Variants in PCDHAC1 observed in about 807,000 individuals in gnomAD.
PCDHAC1 encodes protocadherin alpha subfamily C, 1, also known as protocadherin alpha-C1.
Under a neutral mutation model 60.0 loss-of-function variants are expected in PCDHAC1, and 42 were observed. The ratio of observed to expected loss-of-function variants is 0.70; its 90% CI spans 0.55 to 0.90. The LOEUF (loss-of-function observed/expected upper bound fraction) is 0.90. Ranked by LOEUF, PCDHAC1 falls within the 40% of genes least tolerant of loss-of-function variation. The pLI is 0.00. For synonymous variants in PCDHAC1, 468 were observed against 499.3 expected (o/e 0.94, Z 0.84); for missense variants, 1,160 against 1,222.3 (o/e 0.95, Z 0.76).
intron 1 of PCDHAC1, among the ~76,000 whole-genome samples, chr5:140,950,272 C>G (rs928839890): frequency 2.0e-5 from 3 of 151,950 alleles, no homozygotes; most frequent in Non-Finnish European, 4.4e-5. Flanking sequence ...TCCATAATGT[C>G]TTTTTGCTTC....
rs149795080 is a variant in PCDHAC1 at position 140,995,000 on chromosome 5, T to C, written c.2581+12437T>C. Among the ~76,000 whole-genome samples the C allele has an allele frequency of 1.7e-3, 261 of 152,326 alleles. 1 individual carries two copies. The highest frequency in any genetic ancestry group is 6.1e-3 in the African/African-American group (253 of 41,578). ...GAGACCCACTAGAAGGTTAGTTGGTTTGTTTATATTTAGGAAAGAAGATTC... is the reference window on the plus strand; with the variant it reads ...GAGACCCACTAGAAGGTTAGTTGGTCTGTTTATATTTAGGAAAGAAGATTC... On this transcript the variant is annotated intron_variant, in intron 3 of 3. Transcript: ENST00000253807.
chr5:141,000,387 C>CTA (rs2097910380), intron 3 of PCDHAC1, among the ~76,000 whole-genome samples: 5 of 66,898 alleles, frequency 7.5e-5, no homozygotes, highest in Non-Finnish European at 1.1e-4. Context: ...CTCTCTCTCT[C>CTA]TCTCTCTCTA....
rs371960819 is a variant in PCDHAC1, at chr5:140,928,197, T to C, written c.1305T>C (p.Val435=). The C allele has an allele frequency of 1.9e-5, 30 of 1,614,192 alleles. 1 individual carries two copies. In the African/African-American group the frequency reaches 2.0e-4, roughly 11 times the overall value. Residue 435 remains valine (V), a synonymous_variant, in exon 1 of 4, where the codon GTT becomes GTC. Coordinates refer to ENST00000253807, the MANE Select transcript of PCDHAC1 (RefSeq NM_018898.5). Reference sequence around the variant, plus strand: ...CCCGAAGGACAATCACTGTGTCAGTTGCTGATGTGAATGACAATACACCAA... The same window carrying C: ...CCCGAAGGACAATCACTGTGTCAGTCGCTGATGTGAATGACAATACACCAA... The part of the protein sequence containing the change: ...LSTRRTITVS[V]ADVNDNTPNF...
Position 140,927,102 on chromosome 5 carries a change from A to G in PCDHAC1, c.210A>G (p.Leu70=), listed in dbSNP as rs144696843. 1.4e-5 allele frequency: 23 copies of G among 1,613,520 alleles called. No individual in the cohort carries two copies. In the African/African-American group the frequency reaches 1.7e-4, roughly 12 times the overall value. ...GCGAGCTCTACTTCGGGGTGGATCTACCCAGCGGCAATTTGGTGGTCAGAG... is the reference window on the plus strand; with the variant it reads ...GCGAGCTCTACTTCGGGGTGGATCTGCCCAGCGGCAATTTGGTGGTCAGAG... ...SHRELYFGVD[L]PSGNLVVREP... The change falls in exon 1 of 4, where the codon CTA becomes CTG. Residue 70 remains leucine (L), a synonymous_variant. Transcript: ENST00000253807.
rs368092094 is a variant in PCDHAC1, at chr5:140,927,090, C to T, written c.198C>T (p.Phe66=). 34 of 1,612,532 alleles carry T rather than the reference C, an allele frequency of 2.1e-5. No homozygotes were observed. Among genetic ancestry groups the T allele is most frequent in the Non-Finnish European group, 1.4e-5 (17 of 1,178,876 alleles). The change falls in exon 1 of 4, where the codon TTC becomes TTT. Residue 66 remains phenylalanine (F), a synonymous_variant. Coordinates refer to ENST00000253807, the MANE Select transcript of PCDHAC1 (RefSeq NM_018898.5). ...TTTCCAGCCACCGCGAGCTCTACTT[C>T]GGGGTGGATCTACCCAGCGGCAATT... ...RFLSSHRELY[F]GVDLPSGNLV...
chr5:140,999,363 A>G (rs772527438), intron 3 of PCDHAC1, among the ~76,000 whole-genome samples: 1 of 152,198 alleles, frequency 6.6e-6, no homozygotes, highest in Non-Finnish European at 1.5e-5. Flanking sequence ...AATGTTCACA[A>G]TCCCATTAGA....
intron 1 of PCDHAC1, among the ~76,000 whole-genome samples, chr5:140,963,141 A>T (rs2095739692): frequency 6.6e-6 from 1 of 152,148 alleles, no homozygotes; most frequent in Non-Finnish European, 1.5e-5. Flanking sequence ...AATTATTTGG[A>T]TGAATTTAAA....
At chr5:140,990,708 T>G (rs1201090744) in intron 3 of PCDHAC1, among the ~76,000 whole-genome samples, 3 of 152,190 alleles carry the variant, frequency 2.0e-5, no homozygotes, top group African/African-American at 7.2e-5. Context: ...TTTATGGGGA[T>G]AAGAGCATCA....
chr5:140,954,537 T>C (rs2095052425), intron 1 of PCDHAC1, among the ~76,000 whole-genome samples: 1 of 152,268 alleles, frequency 6.6e-6, no homozygotes, highest in Non-Finnish European at 1.5e-5. Flanking sequence ...TTGAGGTTTT[T>C]TTCATATGTT....
chr5:140,995,086 T>C (rs1182368049), intron 3 of PCDHAC1, among the ~76,000 whole-genome samples: 2 of 152,246 alleles, frequency 1.3e-5, no homozygotes, highest in African/African-American at 4.8e-5. Context: ...TCCAAACTTA[T>C]CTGTGGAGAT....
At chr5:141,007,227 A>G (rs1458505596) in intron 3 of PCDHAC1, among the ~76,000 whole-genome samples, 1 of 151,972 alleles carries the variant, frequency 6.6e-6, no homozygotes, top group Non-Finnish European at 1.5e-5. Flanking sequence ...CAAAATAAGA[A>G]GGATTGTTGA....
rs782025005 is a variant in PCDHAC1 at position 140,982,513 on chromosome 5, G to C, written c.2531G>C (p.Gly844Ala). 83 of 1,614,076 alleles carry C rather than the reference G, an allele frequency of 5.1e-5. No homozygotes were observed. The highest frequency in any genetic ancestry group is 6.4e-5 in the Non-Finnish European group (75 of 1,180,040). ...GAGGAGGCTGGCATTCTACGGGCTG[G>C]TCCAGGAGGGCCTGATCAGCAGTGG... The part of the protein sequence containing the change: ...HLEEAGILRA[G>A]PGGPDQQWPT... The change falls in exon 3 of 4, where the codon GGT becomes GCT. Residue 844 changes from glycine (G) to alanine (A), a missense_variant. Transcript: ENST00000253807.
chr5:140,967,024 T>G, intron 1 of PCDHAC1: 1 of 1,608,238 alleles, frequency 6.2e-7, no homozygotes, highest in Non-Finnish European at 8.5e-7. Flanking sequence ...GTGCGCCCAG[T>G]CCGCGCTACC....
chr5:140,957,076 A>C (rs1554222802), intron 1 of PCDHAC1, among the ~76,000 whole-genome samples: 1 of 152,174 alleles, frequency 6.6e-6, no homozygotes, highest in Non-Finnish European at 1.5e-5. Context: ...AGGGCTTTTT[A>C]TTAAGGAAAA....
Position 141,011,779 on chromosome 5 carries a change from A to G in PCDHAC1, c.*1842A>G, listed in dbSNP as rs1407523783. On this transcript the variant is annotated 3_prime_UTR_variant, in exon 4 of 4. Transcript: ENST00000253807. ...CTTTGAAGTTGCAGAATGCTTTGAAATTCTAATGGTATCTGAAATATCAGC... is the reference window on the plus strand; with the variant it reads ...CTTTGAAGTTGCAGAATGCTTTGAAGTTCTAATGGTATCTGAAATATCAGC... The G allele has an allele frequency of 6.5e-6, 1 of 153,778 alleles. No homozygotes were observed. Among genetic ancestry groups the G allele is most frequent in the East Asian group, 1.9e-4 (1 of 5,202 alleles). 9.5% of individuals were successfully genotyped at this position (153,778 alleles called of 1,614,324 possible).
In PCDHAC1 at chr5:141,009,718, A is replaced by G. The variant is rs2098413942; in HGVS notation, c.2673A>G (p.Gln891=). Residue 891 remains glutamine, a synonymous_variant, in exon 4 of 4, where the codon CAA becomes CAG. Transcript: ENST00000253807. ...TFKYGPGNPK[Q]SGPGELPDKF... ...AATACGGACCAGGCAACCCCAAACA[A>G]TCCGGTCCCGGTGAGTTGCCCGACA... The G allele has an allele frequency of 1.2e-6, 2 of 1,614,044 alleles. No homozygotes were observed. The highest frequency in any genetic ancestry group is 1.1e-5 in the South Asian group (1 of 91,052).
rs1554213921 is a variant in PCDHAC1 at position 140,941,202 on chromosome 5, C to CTTTCTTTCTTTCTTTCTTT, written c.2433+11877_2433+11878insTTTCTTTCTTTCTTTCTTT. ...TCCTGCTTCTTTTTTTTTCTTTCTT[C>CTTTCTTTCTTTCTTTCTTT]CTTTCTTTCTTCCTTTCTTTCTTTC... On this transcript the variant is annotated intron_variant, in intron 1 of 3. Coordinates refer to ENST00000253807, the MANE Select transcript of PCDHAC1 (RefSeq NM_018898.5). Among the ~76,000 whole-genome samples the CTTTCTTTCTTTCTTTCTTT allele has an allele frequency of 8.2e-4, 101 of 122,784 alleles. 3 individuals carry two copies. Among genetic ancestry groups the CTTTCTTTCTTTCTTTCTTT allele is most frequent in the East Asian group, 3.5e-3 (16 of 4,514 alleles). The allele number at this position is 122,784 out of a possible 152,430, so 80.6% of individuals were successfully genotyped here. A position where few individuals can be genotyped will look rare whatever the true frequency, so the allele number is the denominator to read the frequency against.
At chr5:141,003,081 T>C (rs2098110268) in intron 3 of PCDHAC1, among the ~76,000 whole-genome samples, 1 of 152,238 alleles carries the variant, frequency 6.6e-6, no homozygotes, top group Admixed American at 6.5e-5. Context: ...AGGGTGAGTT[T>C]AACAGGCCTG....
At chr5:140,969,149 G>A (rs782510891) in intron 1 of PCDHAC1, 89 of 1,614,002 alleles carry the variant, frequency 5.5e-5, no homozygotes, top group Non-Finnish European at 6.8e-5. Context: ...CTGCTACAAG[G>A]CCTGTCTGAC....
Sources: allele counts gnomAD v4.1 joint callset (sites outside exome capture counted in the v4.1 genomes callset), GRCh38; gene constraint gnomAD v4.1.1; transcripts MANE v1.5; gene names NCBI Gene and HGNC (gene_info 2026-07-23, HGNC 2026-07-21).